Variants in KRTAP5-8 observed in about 807,000 individuals in gnomAD.
The protein encoded by KRTAP5-8 is keratin-associated protein 5-8.
Under a neutral mutation model 2.7 loss-of-function variants are expected in KRTAP5-8, and 2 were observed. The observed-to-expected ratio is 0.75, with a 90% CI of 0.30 to 2.35. The LOEUF (loss-of-function observed/expected upper bound fraction) is 2.35, where lower values mean the gene tolerates loss of function less well. KRTAP5-8 is among the 30% of genes most tolerant of loss of function. KRTAP5-8 has a pLI of 0.12. For missense variants in KRTAP5-8, 183 were observed against 227.2 expected (o/e 0.81, Z 1.25); for synonymous variants, 62 against 89.1 (o/e 0.70, Z 1.71).
rs1950060199 is a variant in KRTAP5-8, at chr11:71,538,455, T to C, written c.400T>C (p.Cys134Arg). ...CTCTTCAGGCTGTGGGTCATCCTGCTGCCAGTCCAGCTGCTGCAAGCCCTG... is the reference window on the plus strand; with the variant it reads ...CTCTTCAGGCTGTGGGTCATCCTGCCGCCAGTCCAGCTGCTGCAAGCCCTG... ...SCSSGCGSSC[C>R]QSSCCKPCCS... Residue 134 changes from cysteine (C) to arginine (R), a missense_variant, in exon 1 of 1, where the codon TGC (cysteine) becomes CGC (arginine). Around this residue, in one of 2 missense-constraint regions of KRTAP5-8, gnomAD observed 70 missense variants for 117.9 expected, o/e 0.59. Transcript: ENST00000398534. 6.2e-7 allele frequency: 1 copy of C among 1,612,376 alleles called. No individual in the cohort carries two copies. The highest frequency in any genetic ancestry group is 1.7e-4 in the Middle Eastern group (1 of 6,054).
In KRTAP5-8 at chr11:71,538,266, G is replaced by C; in HGVS notation, c.211G>C (p.Gly71Arg). The stretch of plus-strand genomic sequence containing the variant: ...CTGTGGGGGCTCCAAGGGGGACTGT[G>C]GCTCCTGTGGGGGCTCCAAGGGAGG... Reference protein sequence around the residue: ...GSCGGSKGDCGSCGGSKGGCG... With the variant: ...GSCGGSKGDCRSCGGSKGGCG... The change falls in exon 1 of 1, where the codon GGC (glycine) becomes CGC (arginine). Residue 71 changes from glycine (G) to arginine (R), a missense_variant. Transcript: ENST00000398534. 6.2e-7 allele frequency: 1 copy of C among 1,613,640 alleles called. No individual in the cohort carries two copies. Among genetic ancestry groups the C allele is most frequent in the Non-Finnish European group, 8.5e-7 (1 of 1,179,984 alleles).
chr11:71,538,116 T>C lies in KRTAP5-8; in HGVS notation c.61T>C (p.Cys21Arg), dbSNP rs754391276. 8 of 1,611,370 alleles carry C rather than the reference T, an allele frequency of 5.0e-6. No individual in the cohort carries two copies. Among genetic ancestry groups the C allele is most frequent in the East Asian group, 2.2e-5 (1 of 44,766 alleles). The change falls in exon 1 of 1, where the codon TGT becomes CGT. Residue 21 changes from cysteine (C) to arginine (R), a missense_variant. By Grantham distance (180) the Cys-to-Arg change is radical. Transcript: ENST00000398534. Reference sequence around the variant, plus strand: ...CGGCTGTGGGGGCTGCGGCTCTGGCTGTGGGGGATGTGGCTCTAGCTGCTG... The same window carrying C: ...CGGCTGTGGGGGCTGCGGCTCTGGCCGTGGGGGATGTGGCTCTAGCTGCTG... Reference protein sequence around the residue: ...GSGCGGCGSGCGGCGSSCCVP... With the variant: ...GSGCGGCGSGRGGCGSSCCVP...
At position 71,538,170 on chromosome 11, in the gene KRTAP5-8, T is replaced by C. The variant is rs776085725; in HGVS notation, c.115T>C (p.Cys39Arg). The part of the protein sequence containing the change: ...CVPICCCKPV[C>R]CCVPACSCSS... ...GCCCATCTGCTGCTGCAAGCCCGTG[T>C]GCTGCTGTGTGCCAGCCTGTTCCTG... The change falls in exon 1 of 1, where the codon TGC becomes CGC. Residue 39 changes from cysteine (C) to arginine (R), a missense_variant. Around this residue, in one of 2 missense-constraint regions of KRTAP5-8, gnomAD observed 113 missense variants for 109.3 expected, o/e 1.03. Transcript: ENST00000398534. The C allele has an allele frequency of 3.1e-6, 5 of 1,612,392 alleles. No individual in the cohort carries two copies. Among genetic ancestry groups the C allele is most frequent in the Non-Finnish European group, 4.2e-6 (5 of 1,179,610 alleles).
Position 71,538,913 on chromosome 11 carries a change from G to T in KRTAP5-8, c.*294G>T, listed in dbSNP as rs774084354. The T allele has an allele frequency of 1.1e-4, 69 of 618,252 alleles. No homozygotes were observed. The highest frequency in any genetic ancestry group is 1.7e-4 in the Non-Finnish European group (60 of 351,162). The allele number at this position is 618,252 out of a possible 1,614,324, so 38.3% of individuals were successfully genotyped here. A position where few individuals can be genotyped will look rare whatever the true frequency, so the allele number is the denominator to read the frequency against. On this transcript the variant is annotated 3_prime_UTR_variant, in exon 1 of 1. Transcript: ENST00000398534. The stretch of plus-strand genomic sequence containing the variant: ...ATCCCTGGGCCCCTCCTGTGAGCCT[G>T]CTGGAAACACACTGAAACTGGAATC...
rs1415620590 is a variant in KRTAP5-8 at position 71,538,814 on chromosome 11, A to G, written c.*195A>G. ...GCTTCTGGCATGCTGGGTGCTGCCC[A>G]TCAACCCTCCCAGAATCCCCTCTTC... On this transcript the variant is annotated 3_prime_UTR_variant, in exon 1 of 1. Coordinates refer to ENST00000398534, the MANE Select transcript of KRTAP5-8 (RefSeq NM_021046.3). 1.8e-6 allele frequency: 2 copies of G among 1,129,666 alleles called. No individual in the cohort carries two copies. The highest frequency in any genetic ancestry group is 2.5e-6 in the Non-Finnish European group (2 of 794,622). 70.0% of individuals were successfully genotyped at this position (1,129,666 alleles called of 1,614,324 possible). A position where few individuals can be genotyped will look rare whatever the true frequency, so the allele number is the denominator to read the frequency against.
Position 71,538,217 on chromosome 11 carries a change from G to A in KRTAP5-8, c.162G>A (p.Gly54=), listed in dbSNP as rs755215255. ...ACSCSSCGSC[G]GSKGGRGSCG... is the part of the protein sequence containing the mutation. ...CCTGCTCCAGCTGTGGCTCCTGTGG[G>A]GGCTCCAAGGGGGGCCGTGGCTCCT... is the stretch of plus-strand genomic sequence containing the variant. Residue 54 remains glycine, a synonymous_variant, in exon 1 of 1, where the codon GGG becomes GGA. Coordinates refer to ENST00000398534, the MANE Select transcript of KRTAP5-8 (RefSeq NM_021046.3). The A allele has an allele frequency of 6.2e-7, 1 of 1,612,634 alleles. No individual in the cohort carries two copies. The highest frequency in any genetic ancestry group is 1.7e-5 in the Admixed American group (1 of 59,952).
rs761839979 is a variant in KRTAP5-8, at chr11:71,538,267, G to C, written c.212G>C (p.Gly71Ala). The C allele has an allele frequency of 3.1e-6, 5 of 1,613,648 alleles. No individual in the cohort carries two copies. Among genetic ancestry groups the C allele is most frequent in the Admixed American group, 3.3e-5 (2 of 60,012 alleles). Residue 71 changes from glycine to alanine, a missense_variant, in exon 1 of 1, where the codon GGC becomes GCC. This residue lies in a region of KRTAP5-8 where 113 missense variants were observed against 109.3 expected (regional missense o/e 1.03). Coordinates refer to ENST00000398534, the MANE Select transcript of KRTAP5-8 (RefSeq NM_021046.3). The stretch of plus-strand genomic sequence containing the variant: ...TGTGGGGGCTCCAAGGGGGACTGTG[G>C]CTCCTGTGGGGGCTCCAAGGGAGGC... ...GSCGGSKGDC[G>A]SCGGSKGGCG...
Position 71,538,634 on chromosome 11 carries a change from A to G in KRTAP5-8, c.*15A>G. On this transcript the variant is annotated 3_prime_UTR_variant, in exon 1 of 1. Coordinates refer to ENST00000398534, the MANE Select transcript of KRTAP5-8 (RefSeq NM_021046.3). ...GCAAGATCTGAGGCTCTGCCTACAA[A>G]TCTCAGCTGGTCCCACAGATCTGGG... The G allele has an allele frequency of 6.2e-7, 1 of 1,612,002 alleles. No individual in the cohort carries two copies. Among genetic ancestry groups the G allele is most frequent in the Admixed American group, 1.7e-5 (1 of 59,838 alleles).
rs774662757 is a variant in KRTAP5-8 at position 71,538,091 on chromosome 11, C to T, written c.36C>T (p.Ser12=). 20 of 1,611,518 alleles carry T rather than the reference C, an allele frequency of 1.2e-5. No homozygotes were observed. The highest frequency in any genetic ancestry group is 2.2e-5 in the East Asian group (1 of 44,804). Residue 12 remains serine (S), a synonymous_variant, in exon 1 of 1, where the codon TCC becomes TCT. Transcript: ENST00000398534. Reference sequence around the variant, plus strand: ...GTGGCTGCTCTGGAGGCTGTGGCTCCGGCTGTGGGGGCTGCGGCTCTGGCT... The same window carrying T: ...GTGGCTGCTCTGGAGGCTGTGGCTCTGGCTGTGGGGGCTGCGGCTCTGGCT... ...GCCGCSGGCG[S]GCGGCGSGCG...
Position 71,538,598 on chromosome 11 carries a change from T to G in KRTAP5-8, c.543T>G (p.Ile181Met). The change falls in exon 1 of 1, where the codon ATT becomes ATG. Residue 181 changes from isoleucine to methionine, a missense_variant. Ile to Met is a conservative substitution (Grantham distance 10, BLOSUM62 1). This residue lies in a region of KRTAP5-8 where 70 missense variants were observed against 117.9 expected (regional missense o/e 0.59). Coordinates refer to ENST00000398534, the MANE Select transcript of KRTAP5-8 (RefSeq NM_021046.3). The stretch of plus-strand genomic sequence containing the variant: ...CCCAGTCCAGCTGCTGTGTCCCAAT[T>G]TGCTGCCAGTGCAAGATCTGAGGCT... ...CCSQSSCCVP[I>M]CCQCKI 1.9e-6 allele frequency: 3 copies of G among 1,599,122 alleles called. No homozygotes were observed. Among genetic ancestry groups the G allele is most frequent in the Non-Finnish European group, 1.7e-6 (2 of 1,173,182 alleles).
chr11:71,538,647 C>T lies in KRTAP5-8; in HGVS notation c.*28C>T, dbSNP rs1565619760. 4 of 1,612,350 alleles carry T rather than the reference C, an allele frequency of 2.5e-6. No individual in the cohort carries two copies. Among genetic ancestry groups the T allele is most frequent in the Non-Finnish European group, 2.5e-6 (3 of 1,179,372 alleles). ...CTCTGCCTACAAATCTCAGCTGGTC[C>T]CACAGATCTGGGCTCTCCAGGAATG... On this transcript the variant is annotated 3_prime_UTR_variant, in exon 1 of 1. Coordinates refer to ENST00000398534, the MANE Select transcript of KRTAP5-8 (RefSeq NM_021046.3).
At position 71,538,186 on chromosome 11, in the gene KRTAP5-8, C is replaced by T. The variant is rs372795779; in HGVS notation, c.131C>T (p.Ala44Val). The T allele has an allele frequency of 6.2e-7, 1 of 1,612,592 alleles. No individual in the cohort carries two copies. Reference protein sequence around the residue: ...CCKPVCCCVPACSCSSCGSCG... With the variant: ...CCKPVCCCVPVCSCSSCGSCG... ...AAGCCCGTGTGCTGCTGTGTGCCAG[C>T]CTGTTCCTGCTCCAGCTGTGGCTCC... The change falls in exon 1 of 1, where the codon GCC (alanine) becomes GTC (valine). Residue 44 changes from alanine (A) to valine (V), a missense_variant. Transcript: ENST00000398534.
At position 71,538,971 on chromosome 11, in the gene KRTAP5-8, G is replaced by A. The variant is rs1950065151; in HGVS notation, c.*352G>A. On this transcript the variant is annotated 3_prime_UTR_variant, in exon 1 of 1. Coordinates refer to ENST00000398534, the MANE Select transcript of KRTAP5-8 (RefSeq NM_021046.3). ...CTGCTGCCGCCTCTCCCCGGTCCCT[G>A]CAACCTCCTGGCTCCTCCACCCTTC... 1 of 460,290 alleles carries A rather than the reference G, an allele frequency of 2.2e-6. No individual in the cohort carries two copies. The highest frequency in any genetic ancestry group is 4.1e-6 in the Non-Finnish European group (1 of 243,832). The allele number at this position is 460,290 out of a possible 1,614,324, so 28.5% of individuals were successfully genotyped here. A position where few individuals can be genotyped will look rare whatever the true frequency, so the allele number is the denominator to read the frequency against.
chr11:71,538,744 G>A lies in KRTAP5-8; in HGVS notation c.*125G>A, dbSNP rs560536118. 1.2e-4 allele frequency: 196 copies of A among 1,575,596 alleles called. No homozygotes were observed. The African/African-American group carries it at 1.6e-3, about 13-fold the overall frequency. On this transcript the variant is annotated 3_prime_UTR_variant, in exon 1 of 1. Transcript: ENST00000398534. ...CTCCTCTGGACTAAGGCAGCCTAGCGTCCAGGGCTCAGTACTCAGCTGCTC... is the reference window on the plus strand; with the variant it reads ...CTCCTCTGGACTAAGGCAGCCTAGCATCCAGGGCTCAGTACTCAGCTGCTC...
In KRTAP5-8 at chr11:71,538,724, C is replaced by A; in HGVS notation, c.*105C>A. On this transcript the variant is annotated 3_prime_UTR_variant, in exon 1 of 1. Transcript: ENST00000398534. Reference sequence around the variant, plus strand: ...AGCACATCTCTGAGTCTGTCCTCCTCTGGACTAAGGCAGCCTAGCGTCCAG... The same window carrying A: ...AGCACATCTCTGAGTCTGTCCTCCTATGGACTAAGGCAGCCTAGCGTCCAG... 6.3e-7 allele frequency: 1 copy of A among 1,598,576 alleles called. No homozygotes were observed. Among genetic ancestry groups the A allele is most frequent in the Non-Finnish European group, 8.5e-7 (1 of 1,171,496 alleles).
At position 71,538,660 on chromosome 11, in the gene KRTAP5-8, C is replaced by T. The variant is rs766985810; in HGVS notation, c.*41C>T. 1.9e-6 allele frequency: 3 copies of T among 1,613,332 alleles called. No homozygotes were observed. The highest frequency in any genetic ancestry group is 3.3e-5 in the Admixed American group (2 of 59,974). On this transcript the variant is annotated 3_prime_UTR_variant, in exon 1 of 1. Coordinates refer to ENST00000398534, the MANE Select transcript of KRTAP5-8 (RefSeq NM_021046.3). ...TCTCAGCTGGTCCCACAGATCTGGG[C>T]TCTCCAGGAATGACTGTAGCTGTGT...
At position 71,538,324 on chromosome 11, in the gene KRTAP5-8, G is replaced by A; in HGVS notation, c.269G>A (p.Cys90Tyr). The A allele has an allele frequency of 6.2e-7, 1 of 1,613,452 alleles. No homozygotes were observed. The highest frequency in any genetic ancestry group is 8.5e-7 in the Non-Finnish European group (1 of 1,179,640). Reference sequence around the variant, plus strand: ...TCTTGTGGCTGCTCCCAGTGCAGCTGCTATAAGCCCTGCTGTTGCTCCTCA... The same window carrying A: ...TCTTGTGGCTGCTCCCAGTGCAGCTACTATAAGCCCTGCTGTTGCTCCTCA... ...CGSCGCSQCS[C>Y]YKPCCCSSGC... Residue 90 changes from cysteine to tyrosine, a missense_variant, in exon 1 of 1, where the codon TGC becomes TAC. Around this residue, in one of 2 missense-constraint regions of KRTAP5-8, gnomAD observed 70 missense variants for 117.9 expected, o/e 0.59. Transcript: ENST00000398534.
chr11:71,538,044 C>G lies in KRTAP5-8; in HGVS notation c.-12C>G. The stretch of plus-strand genomic sequence containing the variant: ...GCTCCTCTACCTGCTCCACCCTCAA[C>G]CCACCAGAACCATGGGCTGCTGTGG... On this transcript the variant is annotated 5_prime_UTR_variant, in exon 1 of 1. Transcript: ENST00000398534. The G allele has an allele frequency of 6.4e-7, 1 of 1,569,294 alleles. No homozygotes were observed. The highest frequency in any genetic ancestry group is 8.6e-7 in the Non-Finnish European group (1 of 1,161,406).
At position 71,538,810 on chromosome 11, in the gene KRTAP5-8, G is replaced by A; in HGVS notation, c.*191G>A. 16 of 1,191,314 alleles carry A rather than the reference G, an allele frequency of 1.3e-5. No individual in the cohort carries two copies. The South Asian group carries it at 2.1e-4, about 16-fold the overall frequency. The allele number at this position is 1,191,314 out of a possible 1,614,324, so 73.8% of individuals were successfully genotyped here. On this transcript the variant is annotated 3_prime_UTR_variant, in exon 1 of 1. Transcript: ENST00000398534. ...GAGGGCTTCTGGCATGCTGGGTGCT[G>A]CCCATCAACCCTCCCAGAATCCCCT...
Sources: gnomAD v4.1 joint callset for allele counts on GRCh38, gnomAD v4.1.1 for gene constraint, gnomAD v4.1.1 regional missense constraint, MANE v1.5 for transcripts, NCBI Gene and HGNC (gene_info 2026-07-23, HGNC 2026-07-21) for gene names.